LTBP2: variants seen among roughly 807,000 people sequenced by gnomAD.
LTBP2 encodes latent transforming growth factor beta binding protein 2.
In LTBP2, 103 loss-of-function variants were observed where a neutral mutation model predicts 210.6. That is an observed-to-expected ratio of 0.49 (90% CI 0.42 to 0.58). LTBP2 has a LOEUF of 0.58. LTBP2 is among the 20% of genes least tolerant of loss of function. The pLI is 0.00. For missense variants in LTBP2, 2,313 were observed against 2,494.5 expected, an observed-to-expected ratio of 0.93 and a Z score of 1.55; for synonymous variants, 1,007 against 1,015.0, an observed-to-expected ratio of 0.99 and a Z score of 0.15.
At chr14:74,591,423 C>T (rs919446509) in intron 2 of LTBP2, among the ~76,000 whole-genome samples, 16 of 152,184 alleles carry the variant, frequency 1.1e-4, no homozygotes, top group African/African-American at 3.6e-4. Flanking sequence ...ACCAGCCAGA[C>T]GTGTTGGTGG....
intron 3 of LTBP2, among the ~76,000 whole-genome samples, chr14:74,580,327 T>A (rs1371889754): frequency 3.9e-5 from 6 of 152,132 alleles, no homozygotes; most frequent in African/African-American, 1.4e-4. Flanking sequence ...ATAGAGTCTT[T>A]GTAGATGTTG....
At chr14:74,584,331 C>T (rs1168388250) in intron 3 of LTBP2, among the ~76,000 whole-genome samples, 1 of 152,108 alleles carries the variant, frequency 6.6e-6, no homozygotes, top group Non-Finnish European at 1.5e-5. Flanking sequence ...TGCCCAGCAA[C>T]CCCTGCTCCT....
chr14:74,587,977 G>A (rs1216770483), intron 2 of LTBP2, among the ~76,000 whole-genome samples: 3 of 152,160 alleles, frequency 2.0e-5, no homozygotes, highest in African/African-American at 7.2e-5. Flanking sequence ...TGCTGGCTGT[G>A]GCCCCAGGTA....
In LTBP2 at chr14:74,550,817, G is replaced by A. The variant is rs187070577; in HGVS notation, c.1686+247C>T. The stretch of plus-strand genomic sequence containing the variant: ...ATGCTGGTGACAGCTCCTCCAGAGG[G>A]GAACTTCCTTGGGTCTTCTTCTGTG... On this transcript the variant is annotated intron_variant, in intron 7 of 35. Coordinates refer to ENST00000261978, the MANE Select transcript of LTBP2 (RefSeq NM_000428.3). Among the ~76,000 whole-genome samples the A allele has an allele frequency of 4.5e-4, 69 of 152,306 alleles. No homozygotes were observed. In the East Asian group the frequency reaches 8.9e-3, roughly 20 times the overall value.
In LTBP2 at chr14:74,586,746, C is replaced by A. The variant is rs376842439; in HGVS notation, c.566-628G>T. Among the ~76,000 whole-genome samples the A allele has an allele frequency of 2.4e-4, 36 of 152,204 alleles. No individual in the cohort carries two copies. In the East Asian group the frequency reaches 6.2e-3, roughly 26 times the overall value. Reference sequence around the variant, plus strand: ...TCAAAGGCACCTTCAGCTTGACGGTCTCTCCTCTCCTTCCCATTGTTCTCC... The same window carrying A: ...TCAAAGGCACCTTCAGCTTGACGGTATCTCCTCTCCTTCCCATTGTTCTCC... On this transcript the variant is annotated intron_variant, in intron 2 of 35. Transcript: ENST00000261978. This position sits in a 1 kb window ranked among gnomAD's most constrained non-coding sequence, Gnocchi z 4.6.
At chr14:74,504,655 G>T in intron 30 of LTBP2, 123 bp downstream of exon 30, 1 of 910,002 alleles carries the variant, frequency 1.1e-6, no homozygotes, top group Non-Finnish European at 1.8e-6. Flanking sequence ...CCCTGGGACA[G>T]AAAAGGTGGA....
intron 18 of LTBP2, among the ~76,000 whole-genome samples, chr14:74,516,177 C>A (rs2087132084): frequency 6.6e-6 from 1 of 152,228 alleles, no homozygotes; most frequent in Admixed American, 6.5e-5. Flanking sequence ...AGAGCAAATG[C>A]CCTGGGCCTC....
intron 2 of LTBP2, 99 bp downstream of exon 2, chr14:74,603,536 T>C (rs987463577): frequency 2.6e-5 from 31 of 1,203,442 alleles, no homozygotes; most frequent in Middle Eastern, 1.9e-4. Flanking sequence ...CTGCTCCAGG[T>C]TCTGGAGTAC....
rs147782038 is a variant in LTBP2 at position 74,586,985 on chromosome 14, C to A, written c.566-867G>T. On this transcript the variant is annotated intron_variant, in intron 2 of 35. Transcript: ENST00000261978. This position sits in a 1 kb window ranked among gnomAD's most constrained non-coding sequence, Gnocchi z 4.6. Reference sequence around the variant, plus strand: ...TGGAGCTGAAACCAGGCCCTCCTCCCGGTTAGCCCTATGCAGCATTAGCCA... The same window carrying A: ...TGGAGCTGAAACCAGGCCCTCCTCCAGGTTAGCCCTATGCAGCATTAGCCA... Among the ~76,000 whole-genome samples the A allele has an allele frequency of 3.3e-5, 5 of 152,320 alleles. No individual in the cohort carries two copies. In the East Asian group the frequency reaches 9.7e-4, roughly 29 times the overall value.
At chr14:74,518,021 C>T (rs2139705665) in intron 17 of LTBP2, among the ~76,000 whole-genome samples, 1 of 152,340 alleles carries the variant, frequency 6.6e-6, no homozygotes, top group East Asian at 1.9e-4. Context: ...CAAATGCTTC[C>T]ACCTGGAGTC....
chr14:74,587,778 G>A (rs2088228437), intron 2 of LTBP2, among the ~76,000 whole-genome samples: 1 of 152,152 alleles, frequency 6.6e-6, no homozygotes, highest in African/African-American at 2.4e-5. Context: ...TCTGAGAAGA[G>A]TACCAGAATC....
rs1346347250 is a variant in LTBP2, at chr14:74,528,711, C to T, written c.2153-13G>A. 4 of 1,610,164 alleles carry T rather than the reference C, an allele frequency of 2.5e-6. No homozygotes were observed. Among genetic ancestry groups the T allele is most frequent in the South Asian group, 1.1e-5 (1 of 91,074 alleles). On this transcript the variant is annotated splice_polypyrimidine_tract_variant and intron_variant, in intron 11 of 35. Coordinates refer to ENST00000261978, the MANE Select transcript of LTBP2 (RefSeq NM_000428.3). Reference sequence around the variant, plus strand: ...TCTCTGAAGGCCTCTGCAAAGCCAACAGCCAGAGGACAAACTGAGAGGTGC... The same window carrying T: ...TCTCTGAAGGCCTCTGCAAAGCCAATAGCCAGAGGACAAACTGAGAGGTGC...
intron 3 of LTBP2, among the ~76,000 whole-genome samples, chr14:74,574,033 T>C (rs569281692): frequency 2.6e-4 from 39 of 152,288 alleles, no homozygotes; most frequent in Admixed American, 2.4e-3. Context: ...AATTAGGTGG[T>C]GCCTGTAAAC....
intron 31 of LTBP2, 141 bp from the exon 32 acceptor site, chr14:74,503,747 C>CA: frequency 6.9e-7 from 1 of 1,440,392 alleles, no homozygotes; most frequent in East Asian, 2.5e-5. Context: ...CCTGGAAGGC[C>CA]CTCCTGGGGA....
At chr14:74,516,761 C>T (rs1349509147) in intron 18 of LTBP2, 61 bp downstream of exon 18, 16 of 1,471,640 alleles carry the variant, frequency 1.1e-5, no homozygotes, top group Admixed American at 4.1e-5. Context: ...GTGGGCAGTG[C>T]GTAGGGAGGG....
At chr14:74,537,815 C>T (rs1378476170) in intron 8 of LTBP2, among the ~76,000 whole-genome samples, 2 of 152,216 alleles carry the variant, frequency 1.3e-5, no homozygotes, top group Admixed American at 6.5e-5. Context: ...AATGCAGTGG[C>T]GTGACCTCGG....
At chr14:74,503,717 C>A in intron 31 of LTBP2, 111 bp from the exon 32 acceptor site, 1 of 1,470,050 alleles carries the variant, frequency 6.8e-7, no homozygotes, top group South Asian at 1.3e-5. Context: ...CCCTGCCTCC[C>A]TCCCCTCAAC....
Position 74,532,155 on chromosome 14 carries a change from T to A in LTBP2, c.1987+271A>T, listed in dbSNP as rs1322776707. On this transcript the variant is annotated intron_variant, in intron 10 of 35. Coordinates refer to ENST00000261978, the MANE Select transcript of LTBP2 (RefSeq NM_000428.3). ...AGAAATGATTAGAAAGGAAAAAAAA[T>A]AAGAAATAGAAAAGACGAATTCCAA... 5.3e-5 allele frequency among the ~76,000 whole-genome samples: 8 copies of A among 151,498 alleles called. No homozygotes were observed. The East Asian group carries it at 5.8e-4, about 11-fold the overall frequency.
At chr14:74,596,989 G>A (rs2088374856) in intron 2 of LTBP2, among the ~76,000 whole-genome samples, 1 of 152,180 alleles carries the variant, frequency 6.6e-6, no homozygotes, top group South Asian at 2.1e-4. Flanking sequence ...GAATTTGGGC[G>A]TCATTGGCCC....
Sources: allele counts gnomAD v4.1 joint callset (sites outside exome capture counted in the v4.1 genomes callset), GRCh38; gene constraint gnomAD v4.1.1; non-coding constraint Gnocchi (gnomAD v3.1); transcripts MANE v1.5; gene names NCBI Gene and HGNC (gene_info 2026-07-23, HGNC 2026-07-21).